The following GPAT2 variants were observed in gnomAD, a reference collection of about 807,000 sequenced individuals.
The protein encoded by GPAT2 is glycerol-3-phosphate acyltransferase 2, mitochondrial.
GPAT2 carries 51 observed loss-of-function variants against 71.0 expected under a neutral mutation model. That is an observed-to-expected ratio of 0.72 (90% confidence interval 0.57 to 0.91). The LOEUF (loss-of-function observed/expected upper bound fraction) is 0.91. GPAT2 is among the 40% of genes least tolerant of loss of function. The pLI is 0.00. For missense variants in GPAT2, 511 were observed against 666.0 expected, an observed-to-expected ratio of 0.77 and a Z score of 2.56; for synonymous variants, 222 against 290.3, an observed-to-expected ratio of 0.76 and a Z score of 2.39.
Position 96,024,856 on chromosome 2 carries a change from G to C in GPAT2, c.1358-13C>G, listed in dbSNP as rs140619742. ...CTCCCTACACTGGCTGGAGTGGGGC[G>C]GGGGGTGGAGATGCTGGTCAGGTTG... On this transcript the variant is annotated splice_polypyrimidine_tract_variant and intron_variant, in intron 13 of 21. Coordinates refer to ENST00000434632, the MANE Select transcript of GPAT2 (RefSeq NM_001321527.2). 5.8e-4 allele frequency: 927 copies of C among 1,611,948 alleles called. 4 individuals carry two copies. In the African/African-American group the frequency reaches 0.011, roughly 19 times the overall value.
intron 13 of GPAT2, 105 bp from the exon 14 acceptor site, chr2:96,024,948 C>A: frequency 2.3e-6 from 3 of 1,289,340 alleles, no homozygotes; most frequent in Non-Finnish European, 3.4e-6. Context: ...AACTCCACCC[C>A]AGGGATGAGG....
Position 96,024,855 on chromosome 2 carries a change from C to CG in GPAT2, c.1358-13dup, listed in dbSNP as rs1680214668. ...GCTCCCTACACTGGCTGGAGTGGGG[C>CG]GGGGGGTGGAGATGCTGGTCAGGTT... On this transcript the variant is annotated splice_polypyrimidine_tract_variant and intron_variant, in intron 13 of 21. Transcript: ENST00000434632. The CG allele has an allele frequency of 3.1e-6, 5 of 1,612,230 alleles. No individual in the cohort carries two copies. The East Asian group carries it at 6.7e-5, about 22-fold the overall frequency.
intron 13 of GPAT2, chr2:96,025,256 G>A (rs1680270495): frequency 1.0e-5 from 6 of 599,298 alleles, no homozygotes; most frequent in Non-Finnish European, 1.4e-5. Flanking sequence ...CAGCCTCCTG[G>A]CCTCAGGCCA....
Position 96,024,788 on chromosome 2 carries a change from G to C in GPAT2, c.1413C>G (p.Leu471=). 1 of 1,613,926 alleles carries C rather than the reference G, an allele frequency of 6.2e-7. No individual in the cohort carries two copies. The highest frequency in any genetic ancestry group is 1.7e-4 in the Middle Eastern group (1 of 6,012). ...MSTAIMATLL[L]FKHQKGVFLS... The stretch of plus-strand genomic sequence containing the variant: ...CACCCCCTACCTTCTGATGCTTGAA[G>C]AGCAGCAGCGTTGCCATAATGGCCG... Residue 471 remains leucine (L), a synonymous_variant, in exon 14 of 22, where the codon CTC becomes CTG. Transcript: ENST00000434632.
chr2:96,024,969 C>T (rs1680234274), intron 13 of GPAT2, 126 bp from the exon 14 acceptor site: 3 of 1,087,008 alleles, frequency 2.8e-6, no homozygotes, highest in Admixed American at 1.8e-5. Flanking sequence ...AACGTACACC[C>T]GGAGCAGTGG....
chr2:96,023,961 C>G lies in GPAT2; in HGVS notation c.1876G>C (p.Asp626His), dbSNP rs942398910. 2.5e-6 allele frequency: 4 copies of G among 1,607,266 alleles called. No homozygotes were observed. Among genetic ancestry groups the G allele is most frequent in the Middle Eastern group, 3.7e-4 (2 of 5,384 alleles). ...AGGAGCCCGCATTGGATGAGCCGGT[C>G]CAGCACCTCCTGACAGTAGCAGTAG... Reference protein sequence around the residue: ...SSYCYCQEVLDRLIQCGLLVA... With the variant: ...SSYCYCQEVLHRLIQCGLLVA... The change falls in exon 17 of 22, where the codon GAC (aspartate) becomes CAC (histidine). Residue 626 changes from aspartate (D) to histidine (H), a missense_variant. Asp to His is a moderately conservative substitution (Grantham distance 81, BLOSUM62 -1). This residue lies in a region of GPAT2 where 295 missense variants were observed against 305.5 expected (regional missense o/e 0.97). Coordinates refer to ENST00000434632, the MANE Select transcript of GPAT2 (RefSeq NM_001321527.2).
Position 96,023,382 on chromosome 2 carries a change from A to T in GPAT2, c.1973T>A (p.Leu658Gln). The change falls in exon 18 of 22, where the codon CTG becomes CAG. Residue 658 changes from leucine (L) to glutamine (Q), a missense_variant. Leu to Gln is a moderately radical substitution (Grantham distance 113). This residue lies in a region of GPAT2 where 295 missense variants were observed against 305.5 expected (regional missense o/e 0.97). Transcript: ENST00000434632. Reference protein sequence around the residue: ...TGRQRLSRKLLWKPSGDFTDS... With the variant: ...TGRQRLSRKLQWKPSGDFTDS... ...AGTAAAGTCCCCACTCGGTTTCCAC[A>T]GCAGCTTTCTGCTCAATCGCTGTCG... 6.2e-7 allele frequency: 1 copy of T among 1,614,184 alleles called. No homozygotes were observed. Among genetic ancestry groups the T allele is most frequent in the African/African-American group, 1.3e-5 (1 of 75,080 alleles).
intron 10 of GPAT2, 30 bp downstream of exon 10, chr2:96,026,667 C>T (rs1470996947): frequency 2.9e-5 from 4 of 139,774 alleles, no homozygotes; most frequent in South Asian, 1.7e-4. Context: ...ACCTAGGGGC[C>T]CAAGGGGCTG....
At position 96,023,320 on chromosome 2, in the gene GPAT2, G is replaced by A. The variant is rs778877429; in HGVS notation, c.2035C>T (p.Arg679Trp). Residue 679 changes from arginine (R) to tryptophan (W), a missense_variant, in exon 18 of 22, where the codon CGG becomes TGG. By Grantham distance (101) the Arg-to-Trp change is moderately radical (BLOSUM62 -3). Transcript: ENST00000434632. ...DSDDFGEADGRYFRLSQQSHC... is the reference protein window; with the variant it reads ...DSDDFGEADGWYFRLSQQSHC... Reference sequence around the variant, plus strand: ...TTTTTGAAACACACCCTGAAGTACCGGCCGTCAGCCTCTCCGAAGTCATCA... The same window carrying A: ...TTTTTGAAACACACCCTGAAGTACCAGCCGTCAGCCTCTCCGAAGTCATCA... 58 of 1,614,088 alleles carry A rather than the reference G, an allele frequency of 3.6e-5. 1 individual carries two copies. The highest frequency in any genetic ancestry group is 1.5e-4 in the South Asian group (14 of 91,092).
chr2:96,022,166 C>T lies in GPAT2; in HGVS notation c.2399G>A (p.Cys800Tyr), dbSNP rs1679740314. The T allele has an allele frequency of 6.2e-7, 1 of 1,610,732 alleles. No homozygotes were observed. The change falls in exon 22 of 22, where the codon TGT becomes TAT. Residue 800 changes from cysteine to tyrosine, a missense_variant. Transcript: ENST00000434632. The stretch of plus-strand genomic sequence containing the variant: ...AGGCTCCTCCTCACAGTTCTAGCTA[C>T]AAATGAACTGCCGGATGAACTGTTC... The part of the protein sequence containing the change: ...KLEQFIRQFI[C>Y]S
Position 96,023,428 on chromosome 2 carries a change from G to T in GPAT2, c.1927C>A (p.Arg643=). 1 of 1,613,914 alleles carries T rather than the reference G, an allele frequency of 6.2e-7. No homozygotes were observed. Residue 643 remains arginine, a synonymous_variant, in exon 18 of 22, where the codon CGG becomes AGG. Transcript: ENST00000434632. ...LLVAEETPGS[R]PACDTGRQRL... ...TGTCGCCCTGTGTCACAGGCTGGCC[G>T]GGAGCCTGGGGTCTAGGGGCCGTGG...
At chr2:96,023,863 T>A (rs1456991572) in intron 17 of GPAT2, 60 bp downstream of exon 17, 2 of 1,542,716 alleles carry the variant, frequency 1.3e-6, no homozygotes, top group Admixed American at 4.0e-5. Flanking sequence ...GCACTCAGGG[T>A]GGGAGGCTGG....
chr2:96,032,127 C>G lies in GPAT2; in HGVS notation c.83G>C (p.Gly28Ala), dbSNP rs1680737670. ...SGREASLWSS[G>A]FGMKLEAVTP... ...GACAGCCTCCAGCTTCATCCCAAAG[C>G]CTGACGACCACAGGCTAGCCTGGAA... The change falls in exon 3 of 22, where the codon GGC (glycine) becomes GCC (alanine). Residue 28 changes from glycine (G) to alanine (A), a missense_variant. Around this residue, in one of 7 missense-constraint regions of GPAT2, gnomAD observed 21 missense variants for 71.6 expected, o/e 0.29. Transcript: ENST00000434632. 6.5e-7 allele frequency: 1 copy of G among 1,541,134 alleles called. No homozygotes were observed. The highest frequency in any genetic ancestry group is 1.5e-5 in the African/African-American group (1 of 67,152).
chr2:96,026,643 G>T, intron 10 of GPAT2, 54 bp downstream of exon 10: 1 of 137,716 alleles, frequency 7.3e-6, no homozygotes, highest in Non-Finnish European at 1.2e-5. Flanking sequence ...GCCTCCTATC[G>T]GGAGCTGGTG....
intron 17 of GPAT2, 63 bp downstream of exon 17, chr2:96,023,860 G>C (rs1680025690): frequency 6.5e-7 from 1 of 1,542,634 alleles, no homozygotes; most frequent in Non-Finnish European, 8.7e-7. Flanking sequence ...CTGGCACTCA[G>C]GGTGGGAGGC....
At chr2:96,022,876 G>T (rs1679844764) in intron 20 of GPAT2, 82 bp downstream of exon 20, 1 of 1,612,350 alleles carries the variant, frequency 6.2e-7, no homozygotes. Context: ...CTAGAGTTGG[G>T]TTGTCACTGT....
At chr2:96,026,485 A>C (rs1247938421) in intron 10 of GPAT2, 180 bp from the exon 11 acceptor site, 2 of 444,798 alleles carry the variant, frequency 4.5e-6, no homozygotes, top group Non-Finnish European at 7.2e-6. Flanking sequence ...TCCATGACAC[A>C]GGAAAAATCC....
At chr2:96,033,565 C>T (rs1340723305) in intron 1 of GPAT2, among the ~76,000 whole-genome samples, 2 of 5,654 alleles carry the variant, frequency 3.5e-4, no homozygotes, top group East Asian at 3.1e-3. Context: ...ATTCTCCAGG[C>T]GCGTTCCTCC....
chr2:96,032,219 G>A, intron 2 of GPAT2, 73 bp from the exon 3 acceptor site: 1 of 1,511,534 alleles, frequency 6.6e-7, no homozygotes, highest in Non-Finnish European at 9.0e-7. Flanking sequence ...TGGAGCAATG[G>A]AGGCTCTAGG....
Sources: allele counts gnomAD v4.1 joint callset (sites outside exome capture counted in the v4.1 genomes callset), GRCh38; gene constraint gnomAD v4.1.1; regional missense constraint gnomAD v4.1.1; transcripts MANE v1.5; gene names NCBI Gene and HGNC (gene_info 2026-07-23, HGNC 2026-07-21).